PODXL: variants seen among roughly 807,000 people sequenced by gnomAD.
PODXL encodes the protein podocalyxin like, also known as podocalyxin.
PODXL carries 20 observed loss-of-function variants against 48.9 expected under a neutral mutation model. That is an observed-to-expected ratio of 0.41 (90% CI 0.29 to 0.59). The LOEUF is 0.59. Among genes scored for constraint, PODXL ranks in the 20% least tolerant of loss-of-function variants. The pLI is 0.31. For synonymous variants in PODXL, 295 were observed against 287.4 expected (o/e 1.03, Z -0.27); for missense variants, 606 against 675.1 (o/e 0.90, Z 1.13).
chr7:131,524,347 A>AACACACACACACACAC (rs1222175582), intron 1 of PODXL, among the ~76,000 whole-genome samples: 2 of 59,186 alleles, frequency 3.4e-5, no homozygotes, highest in African/African-American at 8.6e-5. Flanking sequence ...TTCAATAGGA[A>AACACACACACACACAC]ACACACACAC....
intron 1 of PODXL, among the ~76,000 whole-genome samples, chr7:131,527,554 C>G (rs1798207215): frequency 6.6e-6 from 1 of 152,132 alleles, no homozygotes; most frequent in Non-Finnish European, 1.5e-5. Context: ...AAAGGGAAGT[C>G]CCTGGCAACC....
chr7:131,526,739 C>CTGTTTT (rs1798192408), intron 1 of PODXL, among the ~76,000 whole-genome samples: 1 of 90,498 alleles, frequency 1.1e-5, no homozygotes, highest in Non-Finnish European at 1.9e-5. Context: ...CTTCCTTACT[C>CTGTTTT]TTTTTTTTTT....
chr7:131,530,995 T>C (rs1584822699), intron 1 of PODXL, among the ~76,000 whole-genome samples: 3 of 151,934 alleles, frequency 2.0e-5, no homozygotes, highest in South Asian at 4.2e-4. Context: ...GAGGCGGAGA[T>C]TGCAGTGAGC....
intron 1 of PODXL, among the ~76,000 whole-genome samples, chr7:131,550,207 G>T (rs1798647581): frequency 6.6e-6 from 1 of 152,260 alleles, no homozygotes; most frequent in Admixed American, 6.5e-5. Flanking sequence ...CACAATGCAT[G>T]GTGGCCAGTG....
chr7:131,520,858 T>C (rs1798080685), intron 1 of PODXL, among the ~76,000 whole-genome samples: 1 of 152,240 alleles, frequency 6.6e-6, no homozygotes, highest in Non-Finnish European at 1.5e-5. Context: ...ACTTTGCTCC[T>C]ACTCTGACTA....
intron 6 of PODXL, 125 bp downstream of exon 6, chr7:131,506,454 G>A: frequency 1.4e-6 from 2 of 1,424,506 alleles, no homozygotes; most frequent in Non-Finnish European, 2.0e-6. Context: ...GGGAGGGGGT[G>A]TGGCTTGACA....
At chr7:131,544,857 C>A (rs1798546896) in intron 1 of PODXL, among the ~76,000 whole-genome samples, 1 of 152,202 alleles carries the variant, frequency 6.6e-6, no homozygotes, top group African/African-American at 2.4e-5. Flanking sequence ...CTCCCAGGAA[C>A]AATGACAGCA....
At chr7:131,511,715 C>G (rs1411109411) in intron 1 of PODXL, among the ~76,000 whole-genome samples, 1 of 152,186 alleles carries the variant, frequency 6.6e-6, no homozygotes, top group Non-Finnish European at 1.5e-5. Flanking sequence ...CTCTGCCTCC[C>G]TCAGAGCTGG....
chr7:131,500,649 C>T lies in PODXL; in HGVS notation c.*3662G>A, dbSNP rs536678583. On this transcript the variant is annotated 3_prime_UTR_variant, in exon 9 of 9. Transcript: ENST00000378555. ...TAAGTTCCATATATAAAAGCTCATC[C>T]AAAACTTTGTTTCTTGGCAGAAAGA... 6.6e-6 allele frequency: 1 copy of T among 152,324 alleles called. No homozygotes were observed. Among genetic ancestry groups the T allele is most frequent in the South Asian group, 2.1e-4 (1 of 4,826 alleles). 9.4% of individuals were successfully genotyped at this position (152,324 alleles called of 1,614,324 possible).
intron 5 of PODXL, among the ~76,000 whole-genome samples, chr7:131,508,049 G>A (rs897893250): frequency 2.6e-5 from 4 of 152,160 alleles, no homozygotes; most frequent in Admixed American, 1.3e-4. Context: ...CCGGGAGAGG[G>A]CAGCAGTGAG....
intron 1 of PODXL, among the ~76,000 whole-genome samples, chr7:131,524,632 A>G (rs1203911684): frequency 1.3e-5 from 2 of 152,164 alleles, no homozygotes; most frequent in Non-Finnish European, 2.9e-5. Flanking sequence ...GCTAAACAGG[A>G]TCTCTCATAC....
Position 131,556,564 on chromosome 7 carries a change from T to C in PODXL, c.-205A>G, listed in dbSNP as rs1798752439. On this transcript the variant is annotated 5_prime_UTR_variant, in exon 1 of 9. Coordinates refer to ENST00000378555, the MANE Select transcript of PODXL (RefSeq NM_001018111.3). ...GAGCCGGGCTGGGGCGCAGAGCCAG[T>C]GGCAGAGGAGCGGCGGCGGCGGCGG... is the stretch of plus-strand genomic sequence containing the variant. The C allele has an allele frequency of 1.9e-6, 1 of 513,144 alleles. No individual in the cohort carries two copies. Among genetic ancestry groups the C allele is most frequent in the Non-Finnish European group, 2.9e-6 (1 of 342,356 alleles). 31.8% of individuals were successfully genotyped at this position (513,144 alleles called of 1,614,324 possible).
At chr7:131,551,796 G>A (rs1798672299) in intron 1 of PODXL, among the ~76,000 whole-genome samples, 1 of 152,120 alleles carries the variant, frequency 6.6e-6, no homozygotes, top group Non-Finnish European at 1.5e-5. Context: ...AATTAGCCGG[G>A]CGTGGAGGTG....
intron 1 of PODXL, among the ~76,000 whole-genome samples, chr7:131,519,767 C>T (rs1255243169): frequency 6.6e-6 from 1 of 152,232 alleles, no homozygotes; most frequent in East Asian, 1.9e-4. Context: ...CTCACTCCGT[C>T]CCACAGGCTG....
chr7:131,505,842 C>A (rs781774908), intron 8 of PODXL, 26 bp downstream of exon 8: 1 of 1,542,480 alleles, frequency 6.5e-7, no homozygotes, highest in Admixed American at 2.0e-5. Context: ...GCTGCTTCCC[C>A]TGTGTGGCTG....
At chr7:131,548,829 C>T (rs897802775) in intron 1 of PODXL, among the ~76,000 whole-genome samples, 2 of 114,866 alleles carry the variant, frequency 1.7e-5, no homozygotes, top group African/African-American at 6.0e-5. Flanking sequence ...CATATGCCCC[C>T]AGGACCTAGG....
chr7:131,552,774 C>T (rs960108519), intron 1 of PODXL, among the ~76,000 whole-genome samples: 1 of 152,136 alleles, frequency 6.6e-6, no homozygotes, highest in African/African-American at 2.4e-5. Flanking sequence ...CATTCCCCCA[C>T]CCCAGCCCTG....
At chr7:131,506,885 A>G in intron 5 of PODXL, 159 bp from the exon 6 acceptor site, 4 of 713,034 alleles carry the variant, frequency 5.6e-6, no homozygotes, top group South Asian at 5.3e-5. Context: ...CCTGCCAGGA[A>G]TCAAGGGTTG....
chr7:131,505,843 T>A (rs745903753), intron 8 of PODXL, 25 bp downstream of exon 8: 2 of 1,542,874 alleles, frequency 1.3e-6, no homozygotes, highest in Admixed American at 2.0e-5. Flanking sequence ...CTGCTTCCCC[T>A]GTGTGGCTGC....
Sources: gnomAD v4.1 joint callset for allele counts (sites outside exome capture counted in the v4.1 genomes callset) on GRCh38, gnomAD v4.1.1 for gene constraint, MANE v1.5 for transcripts, NCBI Gene and HGNC (gene_info 2026-07-23, HGNC 2026-07-21) for gene names.